HECTD4: variants seen among roughly 807,000 people sequenced by gnomAD.
HECTD4 encodes the protein HECT domain E3 ubiquitin protein ligase 4, also known as probable E3 ubiquitin-protein ligase HECTD4.
In HECTD4, 114 loss-of-function variants were observed where a neutral mutation model predicts 471.5. The ratio of observed to expected loss-of-function variants is 0.24; its 90% CI spans 0.21 to 0.28. The LOEUF is 0.28. Among genes scored for constraint, HECTD4 ranks in the 10% least tolerant of loss-of-function variants. The probability of loss-of-function intolerance (pLI) is 1.00; values close to 1 mark genes in which losing one functional copy is unlikely to be tolerated. For missense variants in HECTD4, 3,866 were observed against 5,651.5 expected (o/e 0.68, Z 10.13); for synonymous variants, 2,012 against 2,256.0 (o/e 0.89, Z 3.07).
At chr12:112,178,832 G>C (rs1174853160) in intron 64 of HECTD4, 99 bp downstream of exon 64, 1 of 1,334,606 alleles carries the variant, frequency 7.5e-7, no homozygotes, top group African/African-American at 1.5e-5. Context: ...CCTGACACCA[G>C]GCTCCTCCAG....
intron 51 of HECTD4, 32 bp from the exon 52 acceptor site, chr12:112,208,032 A>G: frequency 6.2e-7 from 1 of 1,605,472 alleles, no homozygotes; most frequent in South Asian, 1.1e-5. Flanking sequence ...TGAACAGAGA[A>G]GGAATATCTG....
chr12:112,211,237 T>C (rs1226694721), intron 49 of HECTD4, among the ~76,000 whole-genome samples: 1 of 152,136 alleles, frequency 6.6e-6, no homozygotes, highest in African/African-American at 2.4e-5. Flanking sequence ...GGAGTCTCAC[T>C]ATGTTGCCTA....
intron 8 of HECTD4, among the ~76,000 whole-genome samples, chr12:112,281,273 T>A (rs577367799): frequency 4.9e-4 from 72 of 147,366 alleles, no homozygotes; most frequent in South Asian, 1.1e-3. Context: ...ATGTTTTTTT[T>A]AAAAAAAAAA....
At chr12:112,217,705 C>T (rs915595874) in intron 45 of HECTD4, among the ~76,000 whole-genome samples, 1 of 152,176 alleles carries the variant, frequency 6.6e-6, no homozygotes, top group African/African-American at 2.4e-5. Context: ...AAAATTTTTA[C>T]TATCCCTTTA....
At chr12:112,242,629 G>T (rs1241636928) in intron 32 of HECTD4, among the ~76,000 whole-genome samples, 1 of 148,924 alleles carries the variant, frequency 6.7e-6, no homozygotes, top group African/African-American at 2.5e-5. Flanking sequence ...AAAAAAAAAG[G>T]CTGGGCACGG....
Position 112,205,562 on chromosome 12 carries a change from G to A in HECTD4, c.8132-939C>T, listed in dbSNP as rs190843695. 2.0e-5 allele frequency among the ~76,000 whole-genome samples: 3 copies of A among 152,166 alleles called. No homozygotes were observed. The East Asian group carries it at 5.8e-4, about 29-fold the overall frequency. On this transcript the variant is annotated intron_variant, in intron 52 of 75. Transcript: ENST00000682272. ...AACAAATTACAGGACAAATGGAGAG[G>A]AAGAAGAAAGTGAGGGTAACGTTTC...
intron 32 of HECTD4, 115 bp from the exon 33 acceptor site, chr12:112,240,142 A>G: frequency 9.4e-7 from 1 of 1,064,030 alleles, no homozygotes; most frequent in Non-Finnish European, 1.4e-6. Context: ...AACTGAAGGG[A>G]TCTTGGAGAA....
At chr12:112,331,990 C>A (rs1566114724) in intron 1 of HECTD4, among the ~76,000 whole-genome samples, 2 of 152,040 alleles carry the variant, frequency 1.3e-5, no homozygotes, top group Admixed American at 1.3e-4. Flanking sequence ...TTTGACTAAT[C>A]TGGAAATCAT....
At chr12:112,300,796 C>G (rs2035147035) in intron 7 of HECTD4, among the ~76,000 whole-genome samples, 1 of 151,908 alleles carries the variant, frequency 6.6e-6, no homozygotes, top group Non-Finnish European at 1.5e-5. Flanking sequence ...GGTGGCATCC[C>G]ACTATGTTGC....
At chr12:112,277,621 C>A (rs2034553149) in intron 9 of HECTD4, among the ~76,000 whole-genome samples, 1 of 152,172 alleles carries the variant, frequency 6.6e-6, no homozygotes, top group Non-Finnish European at 1.5e-5. Flanking sequence ...AAACCTCACT[C>A]CATGTACTTT....
chr12:112,175,920 A>G (rs573494680), intron 65 of HECTD4, 61 bp from the exon 66 acceptor site: 7 of 1,591,712 alleles, frequency 4.4e-6, no homozygotes, highest in African/African-American at 1.3e-5. Flanking sequence ...CGCGCCTCCA[A>G]CGTGCTCTGC....
intron 1 of HECTD4, among the ~76,000 whole-genome samples, chr12:112,370,007 A>G (rs2036637215): frequency 2.0e-5 from 3 of 152,174 alleles, no homozygotes; most frequent in Admixed American, 1.3e-4. Flanking sequence ...GACTTTGCAG[A>G]TGTGATTAAG....
chr12:112,311,830 T>C (rs2035378174), intron 4 of HECTD4, among the ~76,000 whole-genome samples: 1 of 152,178 alleles, frequency 6.6e-6, no homozygotes, highest in Non-Finnish European at 1.5e-5. Context: ...AGTTCTATAT[T>C]AAGAAGTAAG....
intron 2 of HECTD4, among the ~76,000 whole-genome samples, chr12:112,318,141 T>C (rs2035519979): frequency 6.6e-6 from 1 of 151,622 alleles, no homozygotes; most frequent in South Asian, 2.1e-4. Flanking sequence ...GTTGGGCACC[T>C]GTAATCCCAG....
In HECTD4 at chr12:112,163,842, C is replaced by T; in HGVS notation, c.12702-105G>A. 1.8e-6 allele frequency: 2 copies of T among 1,101,092 alleles called. No homozygotes were observed. Among genetic ancestry groups the T allele is most frequent in the South Asian group, 2.0e-5 (1 of 50,174 alleles). 68.2% of individuals were successfully genotyped at this position (1,101,092 alleles called of 1,614,324 possible). A position where few individuals can be genotyped will look rare whatever the true frequency, so the allele number is the denominator to read the frequency against. On this transcript the variant is annotated intron_variant, in intron 73 of 75. Transcript: ENST00000682272. The surrounding 1 kb of genome is among the most constrained non-coding windows in gnomAD (Gnocchi z 8.2). ...GTCCCGGATCCTCTCTTGGGAGAGGCCTGGGGCCCAGCCGCCCTGGTCATC... is the reference window on the plus strand; with the variant it reads ...GTCCCGGATCCTCTCTTGGGAGAGGTCTGGGGCCCAGCCGCCCTGGTCATC...
chr12:112,163,558 T>C lies in HECTD4; in HGVS notation c.12881A>G (p.Asn4294Ser). 2 of 1,474,772 alleles carry C rather than the reference T, an allele frequency of 1.4e-6. No individual in the cohort carries two copies. The highest frequency in any genetic ancestry group is 1.8e-6 in the Non-Finnish European group (2 of 1,110,712). The allele number at this position is 1,474,772 out of a possible 1,614,324, so 91.4% of individuals were successfully genotyped here. ...GATGTCTACCTTGAGGAACTCGAGGTTGATGTAGGGGAGGCCGCAGGTGCG... is the reference window on the plus strand; with the variant it reads ...GATGTCTACCTTGAGGAACTCGAGGCTGATGTAGGGGAGGCCGCAGGTGCG... Reference protein sequence around the residue: ...ELRTCGLPYINLEFLKAHTMY... With the variant: ...ELRTCGLPYISLEFLKAHTMY... The change falls in exon 74 of 76, where the codon AAC (asparagine) becomes AGC (serine). Residue 4294 changes from asparagine (N) to serine (S), a missense_variant. This residue lies in a region of HECTD4 where 715 missense variants were observed against 1,087.6 expected (regional missense o/e 0.66). Coordinates refer to ENST00000682272, the MANE Select transcript of HECTD4 (RefSeq NM_001388303.1). This position sits in a 1 kb window ranked among gnomAD's most constrained non-coding sequence, Gnocchi z 8.2.
intron 55 of HECTD4, among the ~76,000 whole-genome samples, chr12:112,197,898 G>A (rs2032294897): frequency 2.0e-5 from 3 of 152,150 alleles, no homozygotes; most frequent in African/African-American, 7.2e-5. Flanking sequence ...CCTAGCTTAG[G>A]CACTGGGGAC....
intron 34 of HECTD4, 43 bp from the exon 35 acceptor site, chr12:112,237,141 A>G: frequency 6.6e-7 from 1 of 1,511,758 alleles, no homozygotes; most frequent in Non-Finnish European, 8.9e-7. Flanking sequence ...GTGAAAACTT[A>G]AGGGTGCCAT....
intron 2 of HECTD4, among the ~76,000 whole-genome samples, chr12:112,315,040 A>C (rs2135694158): frequency 6.6e-6 from 1 of 152,326 alleles, no homozygotes; most frequent in South Asian, 2.1e-4. Flanking sequence ...GTGCTGAGAG[A>C]TGCTCCTTCT....
Sources: allele counts gnomAD v4.1 joint callset (sites outside exome capture counted in the v4.1 genomes callset), GRCh38; gene constraint gnomAD v4.1.1; regional missense constraint gnomAD v4.1.1; non-coding constraint Gnocchi (gnomAD v3.1); transcripts MANE v1.5; gene names NCBI Gene and HGNC (gene_info 2026-07-23, HGNC 2026-07-21).